The following OSBP2 variants were observed in gnomAD, a reference collection of about 807,000 sequenced individuals.
OSBP2 encodes the protein oxysterol-binding protein 2.
Under a neutral mutation model 96.0 loss-of-function variants are expected in OSBP2, and 66 were observed. The observed-to-expected ratio is 0.69, with a 90% CI of 0.56 to 0.84. OSBP2 has a LOEUF of 0.84. Ranked by LOEUF, OSBP2 falls within the 40% of genes least tolerant of loss-of-function variation. The probability of loss-of-function intolerance (pLI) is 0.00; values close to 1 mark genes in which losing one functional copy is unlikely to be tolerated. For synonymous variants in OSBP2, 525 were observed against 520.9 expected (o/e 1.01, Z -0.11); for missense variants, 1,038 against 1,222.7 (o/e 0.85, Z 2.25).
chr22:30,856,814 A>C (rs1027341256), intron 2 of OSBP2, among the ~76,000 whole-genome samples: 5 of 152,118 alleles, frequency 3.3e-5, no homozygotes, highest in Non-Finnish European at 7.4e-5. Flanking sequence ...ATAGTAAGAA[A>C]TGTAACTGCC....
intron 1 of OSBP2, among the ~76,000 whole-genome samples, chr22:30,698,961 A>T (rs763910631): frequency 6.6e-6 from 1 of 150,848 alleles, no homozygotes; most frequent in African/African-American, 2.4e-5. Context: ...GTTTTTTTTG[A>T]GACAGAGTCT....
At chr22:30,730,716 G>GTCCCTCTCTCTCTCTC (rs2089736867) in intron 1 of OSBP2, among the ~76,000 whole-genome samples, 1 of 19,962 alleles carries the variant, frequency 5.0e-5, no homozygotes, top group Non-Finnish European at 9.6e-5. Flanking sequence ...TCGCTGCCCT[G>GTCCCTCTCTCTCTCTC]TCTCTCTCTC....
chr22:30,808,161 T>C (rs1016523001), intron 2 of OSBP2, among the ~76,000 whole-genome samples: 2 of 152,070 alleles, frequency 1.3e-5, no homozygotes, highest in Admixed American at 6.6e-5. Context: ...GTGGGTTGAA[T>C]TGTCATAAGC....
At chr22:30,845,705 A>G (rs2038854845) in intron 2 of OSBP2, among the ~76,000 whole-genome samples, 1 of 151,842 alleles carries the variant, frequency 6.6e-6, no homozygotes, top group African/African-American at 2.4e-5. Flanking sequence ...AACATGGTGA[A>G]ATCCCATCTC....
intron 2 of OSBP2, among the ~76,000 whole-genome samples, chr22:30,752,288 C>CTTTTTTTTTTTTTTTTTTTTT (rs10691256): frequency 4.1e-5 from 2 of 48,674 alleles, no homozygotes; most frequent in Non-Finnish European, 7.4e-5. Flanking sequence ...CTTTGCTTTG[C>CTTTTTTTTTTTTTTTTTTTTT]TTTTTTTTTT....
chr22:30,822,657 G>A (rs770172106), intron 2 of OSBP2: 1 of 1,533,786 alleles, frequency 6.5e-7, no homozygotes, highest in Non-Finnish European at 8.7e-7. Flanking sequence ...GCTGGGACAC[G>A]GCCTCCGTGC....
chr22:30,861,503 C>T (rs2039210198), intron 2 of OSBP2, among the ~76,000 whole-genome samples: 1 of 152,170 alleles, frequency 6.6e-6, no homozygotes, highest in Non-Finnish European at 1.5e-5. Context: ...ATGACACTGG[C>T]GCTCTGGCTT....
intron 2 of OSBP2, among the ~76,000 whole-genome samples, chr22:30,824,805 G>C (rs1602318024): frequency 2.0e-5 from 3 of 152,278 alleles, no homozygotes; most frequent in Admixed American, 2.0e-4. Flanking sequence ...GCCTGCTCCG[G>C]GATGCCGAGG....
intron 12 of OSBP2, among the ~76,000 whole-genome samples, chr22:30,896,010 T>C (rs2040058791): frequency 6.6e-6 from 1 of 151,648 alleles, no homozygotes; most frequent in Non-Finnish European, 1.5e-5. Flanking sequence ...AAAGGGGTTT[T>C]GTTTGTTTTT....
rs969605903 is a variant in OSBP2 at position 30,871,104 on chromosome 22, G to A, written c.1107+422G>A. ...CTCCCCAGATGCAGTGGGAGCAGAC[G>A]CTGTGCACAACAAGGGGAGGGTGTG... On this transcript the variant is annotated intron_variant, in intron 3 of 13. Transcript: ENST00000332585. The surrounding 1 kb of genome is among the most constrained non-coding windows in gnomAD (Gnocchi z 4.7). 1.3e-5 allele frequency among the ~76,000 whole-genome samples: 2 copies of A among 152,146 alleles called. No homozygotes were observed. Among genetic ancestry groups the A allele is most frequent in the South Asian group, 2.1e-4 (1 of 4,822 alleles).
chr22:30,701,044 G>A (rs1377456820), intron 1 of OSBP2, among the ~76,000 whole-genome samples: 2 of 151,388 alleles, frequency 1.3e-5, no homozygotes, highest in Non-Finnish European at 2.9e-5. Context: ...GCAGTGAGCC[G>A]AGATTGTGCT....
chr22:30,740,221 G>A (rs148713485), intron 1 of OSBP2, among the ~76,000 whole-genome samples: 43 of 152,258 alleles, frequency 2.8e-4, no homozygotes, highest in East Asian at 2.7e-3. Context: ...ATTGGTCAGG[G>A]ATGAGATCAC....
intron 2 of OSBP2, among the ~76,000 whole-genome samples, chr22:30,830,722 A>C (rs1383774289): frequency 2.0e-5 from 3 of 152,180 alleles, no homozygotes; most frequent in African/African-American, 7.2e-5. Flanking sequence ...TGCCCTAGGC[A>C]TTCATTATTT....
chr22:30,863,004 T>C (rs1453579243), intron 2 of OSBP2, among the ~76,000 whole-genome samples: 5 of 151,412 alleles, frequency 3.3e-5, no homozygotes, highest in Non-Finnish European at 7.4e-5. Context: ...ATCAACAGAC[T>C]TGGGGTCTTG....
chr22:30,816,981 C>T (rs738373), intron 2 of OSBP2, among the ~76,000 whole-genome samples: 42,428 of 152,008 alleles, frequency 0.28, 6,149 homozygotes, highest in Middle Eastern at 0.41. Flanking sequence ...GTGGTCCGGC[C>T]GCCTCAGCCT....
chr22:30,818,366 G>C (rs1345490947), intron 2 of OSBP2, among the ~76,000 whole-genome samples: 1 of 152,080 alleles, frequency 6.6e-6, no homozygotes, highest in Admixed American at 6.5e-5. Flanking sequence ...TGAAGTTGAT[G>C]AAAGAGTGGA....
intron 3 of OSBP2, among the ~76,000 whole-genome samples, chr22:30,883,683 C>T (rs1395403160): frequency 6.6e-6 from 1 of 152,202 alleles, no homozygotes; most frequent in African/African-American, 2.4e-5. Flanking sequence ...TCAGGGCTAG[C>T]TTTGCTGTCT....
At chr22:30,757,599 G>A (rs2090157604) in intron 2 of OSBP2, among the ~76,000 whole-genome samples, 1 of 151,816 alleles carries the variant, frequency 6.6e-6, no homozygotes, top group South Asian at 2.1e-4. Context: ...TGTATTTTCG[G>A]TAGAGACAGG....
intron 12 of OSBP2, among the ~76,000 whole-genome samples, chr22:30,898,577 A>G (rs2040116789): frequency 6.6e-6 from 1 of 152,178 alleles, no homozygotes; most frequent in Non-Finnish European, 1.5e-5. Flanking sequence ...AGGCAGCAGG[A>G]AAAGAGCAGA....
Sources: allele counts gnomAD v4.1 joint callset (sites outside exome capture counted in the v4.1 genomes callset), GRCh38; gene constraint gnomAD v4.1.1; non-coding constraint Gnocchi (gnomAD v3.1); transcripts MANE v1.5; gene names NCBI Gene and HGNC (gene_info 2026-07-23, HGNC 2026-07-21).